The following LAMA3 variants were observed in gnomAD, a reference collection of about 807,000 sequenced individuals.
The protein encoded by LAMA3 is laminin subunit alpha-3.
A neutral mutation model predicts 402.0 loss-of-function variants in LAMA3; 281 were observed. The ratio of observed to expected loss-of-function variants is 0.70; its 90% confidence interval spans 0.63 to 0.77. The LOEUF is 0.77. Ranked by LOEUF, LAMA3 falls within the 30% of genes least tolerant of loss-of-function variation. LAMA3 has a pLI of 0.00. For missense variants in LAMA3, 3,840 were observed against 4,215.5 expected (o/e 0.91, Z 2.47); for synonymous variants, 1,431 against 1,558.4 (o/e 0.92, Z 1.93).
chr18:23,769,189 C>A (rs149957740), intron 8 of LAMA3, among the ~76,000 whole-genome samples: 1 of 152,136 alleles, frequency 6.6e-6, no homozygotes, highest in Non-Finnish European at 1.5e-5. Context: ...AAACTACCTA[C>A]CTTCCCAACC....
Position 23,689,733 on chromosome 18 carries a change from C to T in LAMA3, c.50C>T (p.Pro17Leu). Residue 17 changes from proline (P) to leucine (L), a missense_variant, in exon 1 of 75, where the codon CCG (proline) becomes CTG (leucine). Transcript: ENST00000313654. ...GGTCGGGCACTGGGGCCAGTACTGC[C>T]GCCGACGCCGCTGCTCCTGCTGGTA... Reference protein sequence around the residue: ...PRGRALGPVLPPTPLLLLVLR... With the variant: ...PRGRALGPVLLPTPLLLLVLR... 3 of 1,489,770 alleles carry T rather than the reference C, an allele frequency of 2.0e-6. No individual in the cohort carries two copies. Among genetic ancestry groups the T allele is most frequent in the East Asian group, 2.8e-5 (1 of 35,948 alleles). The allele number at this position is 1,489,770 out of a possible 1,614,324, so 92.3% of individuals were successfully genotyped here. A position where few individuals can be genotyped will look rare whatever the true frequency, so the allele number is the denominator to read the frequency against.
chr18:23,932,935 C>G (rs2082208501), intron 66 of LAMA3, among the ~76,000 whole-genome samples: 1 of 152,110 alleles, frequency 6.6e-6, no homozygotes, highest in South Asian at 2.1e-4. Flanking sequence ...TTCTCATTTC[C>G]CTCCTGGTTG....
chr18:23,933,333 A>G (rs1373075276), intron 66 of LAMA3, among the ~76,000 whole-genome samples: 1 of 152,242 alleles, frequency 6.6e-6, no homozygotes, highest in Non-Finnish European at 1.5e-5. Flanking sequence ...AGGTGATATT[A>G]AAGTAGGAGA....
intron 2 of LAMA3, among the ~76,000 whole-genome samples, chr18:23,718,024 G>A (rs2061140861): frequency 6.6e-6 from 1 of 152,108 alleles, no homozygotes; most frequent in East Asian, 1.9e-4. Flanking sequence ...AGAACACGAT[G>A]TCTTTCAGGA....
chr18:23,915,867 G>T (rs139558996), intron 59 of LAMA3, among the ~76,000 whole-genome samples: 4 of 151,788 alleles, frequency 2.6e-5, no homozygotes, highest in African/African-American at 9.7e-5. Flanking sequence ...TCAGCCGAGT[G>T]TGATGGTGTG....
chr18:23,748,909 T>C (rs1456983623), intron 3 of LAMA3, among the ~76,000 whole-genome samples: 1 of 152,174 alleles, frequency 6.6e-6, no homozygotes, highest in Non-Finnish European at 1.5e-5. Context: ...TTCTTGGCAC[T>C]ATTTGGGAGT....
intron 21 of LAMA3, among the ~76,000 whole-genome samples, chr18:23,824,961 C>G (rs1264692310): frequency 2.0e-5 from 3 of 152,116 alleles, no homozygotes; most frequent in Non-Finnish European, 4.4e-5. Context: ...ATCATAAGAA[C>G]TAGCAACTTC....
At chr18:23,941,331 C>T (rs566965019) in intron 68 of LAMA3, among the ~76,000 whole-genome samples, 6 of 142,694 alleles carry the variant, frequency 4.2e-5, no homozygotes, top group Admixed American at 1.4e-4. Flanking sequence ...TTGGCGCCCC[C>T]CCCCCGCCCG....
chr18:23,933,597 AGTCACCCTATT>A (rs2082228169), intron 66 of LAMA3, among the ~76,000 whole-genome samples, 174 bp from the exon 67 acceptor site: 1 of 152,216 alleles, frequency 6.6e-6, no homozygotes, highest in Non-Finnish European at 1.5e-5. Flanking sequence ...CATTAACTTG[AGTCACCCTATT>A]GTGCTGCCAA....
intron 1 of LAMA3, among the ~76,000 whole-genome samples, chr18:23,699,045 AG>A (rs1365249125): frequency 3.3e-5 from 5 of 151,820 alleles, no homozygotes; most frequent in African/African-American, 7.3e-5. Context: ...AGAGAGAGAG[AG>A]AGAGAGAGAA....
intron 67 of LAMA3, among the ~76,000 whole-genome samples, chr18:23,936,196 TC>T: frequency 6.6e-6 from 1 of 151,566 alleles, no homozygotes; most frequent in Admixed American, 6.6e-5. Flanking sequence ...CTCTTTTTTT[TC>T]CATATTAACT....
chr18:23,939,955 C>T (rs1354135979), intron 68 of LAMA3, among the ~76,000 whole-genome samples: 4 of 152,218 alleles, frequency 2.6e-5, no homozygotes, highest in Non-Finnish European at 5.9e-5. Context: ...CTTTTCTTCA[C>T]GGCTTTCCCA....
intron 66 of LAMA3, chr18:23,932,628 C>T (rs970653829): frequency 5.6e-5 from 18 of 322,844 alleles, no homozygotes; most frequent in South Asian, 8.7e-5. Flanking sequence ...CAGCTCTCCA[C>T]GGTTTTCAAG....
chr18:23,873,180 C>T (rs1016941431), intron 38 of LAMA3: 1 of 1,614,228 alleles, frequency 6.2e-7, no homozygotes, highest in Admixed American at 1.7e-5. Flanking sequence ...TCAAAGTCAA[C>T]TGCAAGCGAG....
chr18:23,804,674 C>T (rs1237882445), intron 12 of LAMA3, among the ~76,000 whole-genome samples: 1 of 152,140 alleles, frequency 6.6e-6, no homozygotes, highest in African/African-American at 2.4e-5. Flanking sequence ...CCCCTCCAAA[C>T]CTCGTGTTGA....
At chr18:23,763,377 A>G in intron 7 of LAMA3, 28 bp from the exon 8 acceptor site, 1 of 1,295,374 alleles carries the variant, frequency 7.7e-7, no homozygotes, top group Non-Finnish European at 1.1e-6. Flanking sequence ...AATAATGAGA[A>G]TATTGACTTA....
chr18:23,871,521 G>A lies in LAMA3; in HGVS notation c.4858G>A (p.Gly1620Ser), dbSNP rs1318073336. ...TAGACTGGCAGATGTGCGCATCCAAGGCCTCTACTTCACAGAGACTCAAAG... is the reference window on the plus strand; with the variant it reads ...TAGACTGGCAGATGTGCGCATCCAAAGCCTCTACTTCACAGAGACTCAAAG... ...LSRLADVRIQ[G>S]LYFTETQRLT... Residue 1620 changes from glycine (G) to serine (S), a missense_variant, in exon 38 of 75, where the codon GGC becomes AGC. By Grantham distance (56) the Gly-to-Ser change is moderately conservative (BLOSUM62 0). Transcript: ENST00000313654. 1.2e-6 allele frequency: 2 copies of A among 1,614,088 alleles called. No individual in the cohort carries two copies. The highest frequency in any genetic ancestry group is 1.7e-6 in the Non-Finnish European group (2 of 1,180,044).
chr18:23,876,614 T>TG (rs754177771), intron 39 of LAMA3, among the ~76,000 whole-genome samples: 62 of 152,378 alleles, frequency 4.1e-4, no homozygotes, highest in Admixed American at 9.1e-4. Flanking sequence ...AAAAGAGCGC[T>TG]GCTGTCTGAG....
At chr18:23,709,737 C>A (rs112294830) in intron 1 of LAMA3, 26 of 494,190 alleles carry the variant, frequency 5.3e-5, no homozygotes. Context: ...CCCATGGATT[C>A]TTTTCTCTTC....
Sources: allele counts gnomAD v4.1 joint callset (sites outside exome capture counted in the v4.1 genomes callset), GRCh38; gene constraint gnomAD v4.1.1; transcripts MANE v1.5; gene names NCBI Gene and HGNC (gene_info 2026-07-23, HGNC 2026-07-21).